Variants in MGA observed in about 807,000 individuals in gnomAD.
MGA encodes MAX gene-associated protein.
Under a neutral mutation model 261.1 loss-of-function variants are expected in MGA, and 40 were observed. The ratio of observed to expected loss-of-function variants is 0.15; its 90% confidence interval spans 0.12 to 0.20. The LOEUF is 0.20. Among genes scored for constraint, MGA ranks in the 10% least tolerant of loss-of-function variants. MGA has a pLI of 1.00. For synonymous variants in MGA, 1,302 were observed against 1,290.6 expected, an observed-to-expected ratio of 1.01 and a Z score of -0.19; for missense variants, 3,397 against 3,630.5, an observed-to-expected ratio of 0.94 and a Z score of 1.65.
chr15:41,756,699 A>G (rs547822099), intron 18 of MGA, among the ~76,000 whole-genome samples: 1 of 152,314 alleles, frequency 6.6e-6, no homozygotes, highest in African/African-American at 2.4e-5. Context: ...AACAATTAAA[A>G]CAATTGGAAT....
intron 1 of MGA, among the ~76,000 whole-genome samples, chr15:41,635,587 G>C (rs140750710): frequency 6.6e-6 from 1 of 151,350 alleles, no homozygotes; most frequent in East Asian, 2.0e-4. Flanking sequence ...GCCCAGGTAC[G>C]TGGGAGGCTG....
intron 1 of MGA, among the ~76,000 whole-genome samples, chr15:41,632,781 G>C (rs1488310058): frequency 1.6e-5 from 1 of 61,604 alleles, no homozygotes; most frequent in Non-Finnish European, 4.6e-5. Context: ...GTAGGAGATA[G>C]GGAAAAAAAA....
At chr15:41,673,112 T>G (rs748319982) in intron 2 of MGA, among the ~76,000 whole-genome samples, 56 of 152,206 alleles carry the variant, frequency 3.7e-4, no homozygotes, top group Non-Finnish European at 6.9e-4. Context: ...TTTCCCTTCT[T>G]TCAGTTATTC....
intron 1 of MGA, among the ~76,000 whole-genome samples, chr15:41,631,255 C>T (rs2056581832): frequency 6.6e-6 from 1 of 152,166 alleles, no homozygotes; most frequent in East Asian, 1.9e-4. Context: ...TGCATTTTCT[C>T]TTATCCTTTA....
chr15:41,720,732 C>T (rs2060894342), intron 9 of MGA, among the ~76,000 whole-genome samples: 1 of 152,112 alleles, frequency 6.6e-6, no homozygotes, highest in Non-Finnish European at 1.5e-5. Context: ...ACTCTGGAGG[C>T]TGAGCCACGA....
At chr15:41,643,048 A>G (rs1219433849) in intron 1 of MGA, among the ~76,000 whole-genome samples, 1 of 150,682 alleles carries the variant, frequency 6.6e-6, no homozygotes, top group Non-Finnish European at 1.5e-5. Flanking sequence ...AATTATAGGC[A>G]TGTGTCACCA....
At chr15:41,741,945 C>T (rs1265387021) in intron 14 of MGA, among the ~76,000 whole-genome samples, 1 of 151,616 alleles carries the variant, frequency 6.6e-6, no homozygotes, top group African/African-American at 2.4e-5. Context: ...CTCCTGACCT[C>T]GTGATCTGCC....
chr15:41,665,854 A>G (rs1405508083), intron 1 of MGA, among the ~76,000 whole-genome samples: 1 of 152,212 alleles, frequency 6.6e-6, no homozygotes, highest in Non-Finnish European at 1.5e-5. Context: ...ATATAAATGG[A>G]ATCATACAAT....
At chr15:41,748,504 C>T (rs1398434274) in intron 15 of MGA, 133 bp from the exon 16 acceptor site, 15 of 948,980 alleles carry the variant, frequency 1.6e-5, no homozygotes, top group Middle Eastern at 3.1e-4. Context: ...TGTAGTCAGT[C>T]GAGGTTGTGT....
intron 1 of MGA, among the ~76,000 whole-genome samples, chr15:41,633,718 C>T (rs144692094): frequency 7.2e-5 from 11 of 152,210 alleles, no homozygotes; most frequent in East Asian, 5.8e-4. Context: ...CCACTGTGCC[C>T]GGCCTGTGAT....
Position 41,764,872 on chromosome 15 carries a change from G to A in MGA, c.7745-14G>A, listed in dbSNP as rs758867463. 6.2e-7 allele frequency: 1 copy of A among 1,613,022 alleles called. No individual in the cohort carries two copies. Among genetic ancestry groups the A allele is most frequent in the African/African-American group, 1.3e-5 (1 of 74,986 alleles). The stretch of plus-strand genomic sequence containing the variant: ...TGCCTTTTATCTATAACTAATTTCT[G>A]ATCTTTCTTACAGAAAATACCTCAC... On this transcript the variant is annotated splice_polypyrimidine_tract_variant and intron_variant, in intron 22 of 23. Transcript: ENST00000219905.
At position 41,729,166 on chromosome 15, in the gene MGA, T is replaced by A; in HGVS notation, c.3660T>A (p.Ile1220=). The A allele has an allele frequency of 6.2e-7, 1 of 1,613,310 alleles. No homozygotes were observed. Among genetic ancestry groups the A allele is most frequent in the East Asian group, 2.2e-5 (1 of 44,868 alleles). The change falls in exon 11 of 24, where the codon ATT becomes ATA. Residue 1220 remains isoleucine, a splice_region_variant and synonymous_variant. Transcript: ENST00000219905. ...ATTTTGTTGTATGAAATTTACAGAT[T>A]CGGGAAGAGGACAAAGATCCAGTCT...
intron 2 of MGA, chr15:41,684,678 A>C (rs550378614): frequency 1.1e-5 from 2 of 182,984 alleles, no homozygotes; most frequent in South Asian, 1.1e-4. Context: ...GAAGATAAAA[A>C]ATTTTTTTCT....
intron 14 of MGA, 148 bp downstream of exon 14, chr15:41,740,351 T>C (rs1291902781): frequency 1.2e-5 from 10 of 859,970 alleles, no homozygotes; most frequent in Non-Finnish European, 1.7e-5. Flanking sequence ...ACTTTTTTGA[T>C]TGTTTGGGGT....
intron 3 of MGA, among the ~76,000 whole-genome samples, chr15:41,697,497 A>G (rs1480865516): frequency 6.6e-6 from 1 of 150,662 alleles, no homozygotes; most frequent in East Asian, 1.9e-4. Context: ...GCTCACTGCA[A>G]TCTCCGTCTC....
In MGA at chr15:41,710,671, T is replaced by G. The variant is rs761206701; in HGVS notation, c.2426-20T>G. 46 of 1,575,950 alleles carry G rather than the reference T, an allele frequency of 2.9e-5. No individual in the cohort carries two copies. In the South Asian group the frequency reaches 3.4e-4, roughly 12 times the overall value. ...TCTGTCCTAGATTTCTTTAAGCATTTTATGTTTTCTTATTTCTAGGTGGAA... is the reference window on the plus strand; with the variant it reads ...TCTGTCCTAGATTTCTTTAAGCATTGTATGTTTTCTTATTTCTAGGTGGAA... On this transcript the variant is annotated intron_variant, in intron 7 of 23. Transcript: ENST00000219905.
In MGA at chr15:41,742,583, T is replaced by G. The variant is rs1454636126; in HGVS notation, c.4623T>G (p.Phe1541Leu). 6.2e-7 allele frequency: 1 copy of G among 1,613,764 alleles called. No individual in the cohort carries two copies. The highest frequency in any genetic ancestry group is 8.5e-7 in the Non-Finnish European group (1 of 1,179,878). The change falls in exon 15 of 24, where the codon TTT becomes TTG. Residue 1541 changes from phenylalanine to leucine, a missense_variant. Physicochemically the swap from Phe to Leu is conservative, Grantham distance 22. Transcript: ENST00000219905. ...CTCCTGGTGGTGTGTTCACACAGTTTGTGATGAGTAAAGTTGGAGCCTTGC... is the reference window on the plus strand; with the variant it reads ...CTCCTGGTGGTGTGTTCACACAGTTGGTGATGAGTAAAGTTGGAGCCTTGC...
At chr15:41,765,876 T>G in intron 23 of MGA, 128 bp from the exon 24 acceptor site, 1 of 702,682 alleles carries the variant, frequency 1.4e-6, no homozygotes, top group Non-Finnish European at 2.2e-6. Flanking sequence ...TTTCATCTTT[T>G]TGATAAAAGT....
chr15:41,635,897 G>A (rs1388199548), intron 1 of MGA, among the ~76,000 whole-genome samples: 3 of 152,010 alleles, frequency 2.0e-5, no homozygotes. Flanking sequence ...TAGTGATACT[G>A]GTGTAAACAA....
Sources: gnomAD v4.1 joint callset for allele counts (sites outside exome capture counted in the v4.1 genomes callset) on GRCh38, gnomAD v4.1.1 for gene constraint, MANE v1.5 for transcripts, NCBI Gene and HGNC (gene_info 2026-07-23, HGNC 2026-07-21) for gene names.